The following SLC14A2 variants were observed in gnomAD, a reference collection of about 807,000 sequenced individuals.
The protein encoded by SLC14A2 is urea transporter 2.
A neutral mutation model predicts 104.6 loss-of-function variants in SLC14A2; 91 were observed. That is an observed-to-expected ratio of 0.87 (90% CI 0.73 to 1.04). The LOEUF (loss-of-function observed/expected upper bound fraction) is 1.04, where lower values mean the gene tolerates loss of function less well. SLC14A2 is among the 50% of genes least tolerant of loss of function. The probability of loss-of-function intolerance (pLI) is 0.00; values close to 1 mark genes in which losing one functional copy is unlikely to be tolerated. For synonymous variants in SLC14A2, 476 were observed against 466.4 expected (o/e 1.02, Z -0.27); for missense variants, 1,189 against 1,156.0 (o/e 1.03, Z -0.41).
chr18:45,637,918 G>A (rs1426171673), intron 6 of SLC14A2, among the ~76,000 whole-genome samples: 1 of 152,182 alleles, frequency 6.6e-6, no homozygotes, highest in Non-Finnish European at 1.5e-5. Flanking sequence ...TGTCAGCTGC[G>A]GCCTGGGAGC....
intron 1 of SLC14A2, among the ~76,000 whole-genome samples, chr18:45,255,349 AGCTGCAAG>A (rs1477364793): frequency 1.3e-5 from 2 of 152,204 alleles, no homozygotes; most frequent in Non-Finnish European, 2.9e-5. Context: ...GATTTTGCAC[AGCTGCAAG>A]CAGGATTGAG....
At chr18:45,572,935 C>A (rs2044368886) in intron 2 of SLC14A2, among the ~76,000 whole-genome samples, 2 of 152,076 alleles carry the variant, frequency 1.3e-5, no homozygotes, top group Non-Finnish European at 2.9e-5. Flanking sequence ...TTAAGACGAC[C>A]TTATGAAGCA....
chr18:45,246,757 T>G (rs1300643398), intron 1 of SLC14A2, among the ~76,000 whole-genome samples: 1 of 152,042 alleles, frequency 6.6e-6, no homozygotes, highest in Non-Finnish European at 1.5e-5. Flanking sequence ...ACGCCTATAA[T>G]CCCAGCACTT....
chr18:45,465,356 G>A (rs1316576719), intron 1 of SLC14A2, among the ~76,000 whole-genome samples: 1 of 152,180 alleles, frequency 6.6e-6, no homozygotes, highest in East Asian at 1.9e-4. Flanking sequence ...CTGCACTGTT[G>A]GCAGTTGTGG....
chr18:45,457,385 G>GTC (rs1436268870), intron 1 of SLC14A2, among the ~76,000 whole-genome samples: 1 of 152,124 alleles, frequency 6.6e-6, no homozygotes, highest in Admixed American at 6.5e-5. Context: ...CATGCAGGGG[G>GTC]TCTCCAAAGT....
the SLC14A2 span, among the ~76,000 whole-genome samples, chr18:45,176,196 A>T: frequency 6.6e-6 from 1 of 152,186 alleles, no homozygotes; most frequent in African/African-American, 2.4e-5. Flanking sequence ...AGCACCAGGC[A>T]TCAGCAGGAA....
In SLC14A2 at chr18:45,399,610, T is replaced by A. The variant is rs145289353; in HGVS notation, c.-124-83623T>A. On this transcript the variant is annotated intron_variant, in intron 1 of 20. Transcript: ENST00000586448. ...AGTGGCTGATTTTTTTCCCTTTTAT[T>A]ATTCTGTTTTAGGGTTGTAGGGGGA... is the stretch of plus-strand genomic sequence containing the variant. 5.6e-3 allele frequency among the ~76,000 whole-genome samples: 853 copies of A among 152,244 alleles called. 12 individuals are homozygous for A. Among genetic ancestry groups the A allele is most frequent in the African/African-American group, 0.019 (795 of 41,524 alleles).
intron 5 of SLC14A2, 145 bp downstream of exon 5, chr18:45,632,623 G>C: frequency 1.2e-6 from 1 of 812,596 alleles, no homozygotes; most frequent in Non-Finnish European, 2.0e-6. Flanking sequence ...GAAAGCCCAT[G>C]AGTTCTCTTG....
intron 1 of SLC14A2, among the ~76,000 whole-genome samples, chr18:45,305,330 G>A (rs1284411253): frequency 6.6e-6 from 1 of 152,218 alleles, no homozygotes; most frequent in Non-Finnish European, 1.5e-5. Flanking sequence ...CTTTCTGGCT[G>A]AATGTGTCCA....
intron 1 of SLC14A2, among the ~76,000 whole-genome samples, chr18:45,365,671 C>T (rs1190420188): frequency 2.0e-5 from 3 of 152,208 alleles, no homozygotes; most frequent in African/African-American, 4.8e-5. Context: ...CGGTGCTCTT[C>T]CCCTATGTCA....
intron 1 of SLC14A2, among the ~76,000 whole-genome samples, chr18:45,317,650 G>A (rs1236468085): frequency 6.6e-6 from 1 of 152,174 alleles, no homozygotes; most frequent in Non-Finnish European, 1.5e-5. Context: ...CCCCGAGGCA[G>A]GAAGAAACAT....
intron 1 of SLC14A2, among the ~76,000 whole-genome samples, chr18:45,424,990 A>T (rs1049950659): frequency 2.6e-5 from 4 of 152,170 alleles, no homozygotes; most frequent in East Asian, 3.9e-4. Context: ...GAGTTTCCTA[A>T]TCATTCAGCA....
At chr18:45,363,914 G>A (rs558244479) in intron 1 of SLC14A2, among the ~76,000 whole-genome samples, 8 of 152,236 alleles carry the variant, frequency 5.3e-5, no homozygotes, top group African/African-American at 1.4e-4. Flanking sequence ...GGCTGCAGCA[G>A]GTACCCCTTG....
At chr18:45,222,473 T>C (rs530048497) in intron 1 of SLC14A2, among the ~76,000 whole-genome samples, 1 of 152,290 alleles carries the variant, frequency 6.6e-6, no homozygotes, top group East Asian at 1.9e-4. Flanking sequence ...GACAGTTCTG[T>C]TCTAAGGGCT....
At chr18:45,607,160 T>TC (rs2044885384) in intron 2 of SLC14A2, among the ~76,000 whole-genome samples, 1 of 152,204 alleles carries the variant, frequency 6.6e-6, no homozygotes. Context: ...CTTGGGTATG[T>TC]CCCCAAGGGG....
intron 16 of SLC14A2, 39 bp downstream of exon 16, chr18:45,669,537 A>C: frequency 1.3e-6 from 2 of 1,493,434 alleles, no homozygotes; most frequent in Non-Finnish European, 1.8e-6. Flanking sequence ...GTCTGTCCAC[A>C]CTGGATGTTA....
At chr18:45,615,217 A>G (rs1323433650), upstream of SLC14A2, 1 of 152,198 alleles carries the variant, frequency 6.6e-6, no homozygotes, top group Non-Finnish European at 1.5e-5. Flanking sequence ...GACTGTTGCT[A>G]AGGCACAATT....
intron 1 of SLC14A2, among the ~76,000 whole-genome samples, chr18:45,254,286 C>T (rs937857098): frequency 1.1e-4 from 16 of 152,214 alleles, no homozygotes; most frequent in African/African-American, 3.9e-4. Context: ...TTGGTTTTGA[C>T]TCCAAGTCCT....
chr18:45,214,224 G>A (rs971977651), intron 1 of SLC14A2, among the ~76,000 whole-genome samples: 32 of 152,118 alleles, frequency 2.1e-4, no homozygotes, highest in African/African-American at 5.1e-4. Flanking sequence ...TACTCAACCC[G>A]ACTCATATCA....
Sources: gnomAD v4.1 joint callset for allele counts (sites outside exome capture counted in the v4.1 genomes callset) on GRCh38, gnomAD v4.1.1 for gene constraint, MANE v1.5 for transcripts, NCBI Gene and HGNC (gene_info 2026-07-23, HGNC 2026-07-21) for gene names.